The following ANGPT4 variants were observed in gnomAD, a reference collection of about 807,000 sequenced individuals.
The protein encoded by ANGPT4 is angiopoietin-4.
Under a neutral mutation model 53.0 loss-of-function variants are expected in ANGPT4, and 50 were observed. The observed-to-expected ratio is 0.94, with a 90% CI of 0.75 to 1.20. The LOEUF is 1.20. Ranked by LOEUF, ANGPT4 falls within the 50% of genes most tolerant of loss-of-function variation. ANGPT4 has a pLI of 0.00. For synonymous variants in ANGPT4, 251 were observed against 259.7 expected (o/e 0.97, Z 0.32); for missense variants, 648 against 637.1 (o/e 1.02, Z -0.18).
chr20:900,632 A>G (rs1376357782), intron 1 of ANGPT4, among the ~76,000 whole-genome samples: 1 of 152,138 alleles, frequency 6.6e-6, no homozygotes, highest in African/African-American at 2.4e-5. Context: ...TTTTCTTATT[A>G]TTAATATAAA....
At chr20:910,724 G>A (rs1049014872) in intron 1 of ANGPT4, among the ~76,000 whole-genome samples, 1 of 152,192 alleles carries the variant, frequency 6.6e-6, no homozygotes. Context: ...ATGTGGCCCT[G>A]CCCTCTGTGG....
intron 1 of ANGPT4, among the ~76,000 whole-genome samples, chr20:894,825 C>T (rs1981982063): frequency 6.6e-6 from 1 of 152,184 alleles, no homozygotes; most frequent in Non-Finnish European, 1.5e-5. Context: ...CTCTAAGACT[C>T]CTTGCCTGAG....
chr20:891,415 G>T (rs371463847), intron 1 of ANGPT4, among the ~76,000 whole-genome samples: 2 of 152,308 alleles, frequency 1.3e-5, no homozygotes, highest in East Asian at 1.9e-4. Context: ...TTTCCCAAGG[G>T]CAGGAGAGCT....
In ANGPT4 at chr20:872,130, T is replaced by A; in HGVS notation, c.*830A>T. 6.6e-6 allele frequency: 1 copy of A among 152,184 alleles called. No homozygotes were observed. The highest frequency in any genetic ancestry group is 1.5e-5 in the Non-Finnish European group (1 of 68,038). 9.4% of individuals were successfully genotyped at this position (152,184 alleles called of 1,614,324 possible). A position where few individuals can be genotyped will look rare whatever the true frequency, so the allele number is the denominator to read the frequency against. The stretch of plus-strand genomic sequence containing the variant: ...TGGGTAGTCACAAGGCACTTGGCCA[T>A]ATTAAAGGCTCTGATCAGTCCTGCA... On this transcript the variant is annotated 3_prime_UTR_variant, in exon 9 of 9. Coordinates refer to ENST00000381922, the MANE Select transcript of ANGPT4 (RefSeq NM_015985.4).
At chr20:874,087 C>G (rs1185105915) in intron 8 of ANGPT4, among the ~76,000 whole-genome samples, 197 bp downstream of exon 8, 1 of 152,156 alleles carries the variant, frequency 6.6e-6, no homozygotes. Flanking sequence ...GGAGGTGAGA[C>G]CTGGAGGGGA....
At chr20:881,798 A>G (rs918892600) in intron 4 of ANGPT4, among the ~76,000 whole-genome samples, 6 of 152,148 alleles carry the variant, frequency 3.9e-5, no homozygotes, top group African/African-American at 1.4e-4. Flanking sequence ...CTGGGCTGAG[A>G]AAGAGCACTC....
intron 6 of ANGPT4, among the ~76,000 whole-genome samples, chr20:879,444 G>A (rs1010700074): frequency 6.6e-6 from 1 of 151,942 alleles, no homozygotes; most frequent in East Asian, 1.9e-4. Context: ...TTGACTGGGG[G>A]GATTTTTATT....
intron 1 of ANGPT4, among the ~76,000 whole-genome samples, chr20:907,745 T>C (rs918577246): frequency 6.6e-6 from 1 of 151,956 alleles, no homozygotes; most frequent in African/African-American, 2.4e-5. Flanking sequence ...TTGGCTAGAG[T>C]GATCATGTGA....
intron 4 of ANGPT4, 119 bp downstream of exon 4, chr20:884,958 CG>C: frequency 7.3e-7 from 1 of 1,370,058 alleles, no homozygotes; most frequent in Non-Finnish European, 9.9e-7. Context: ...CACAGATGGT[CG>C]GGGAGGGTGG....
intron 1 of ANGPT4, among the ~76,000 whole-genome samples, chr20:894,371 C>T (rs1471516992): frequency 2.6e-5 from 4 of 152,100 alleles, no homozygotes; most frequent in South Asian, 2.1e-4. Context: ...AGCTGATGAC[C>T]GCACTAACTG....
At chr20:881,061 T>G in intron 5 of ANGPT4, 110 bp downstream of exon 5, 2 of 844,640 alleles carry the variant, frequency 2.4e-6, no homozygotes, top group Non-Finnish European at 3.5e-6. Flanking sequence ...ACACCTCTGG[T>G]ATTTCAGATA....
At chr20:895,004 C>G (rs550980181) in intron 1 of ANGPT4, among the ~76,000 whole-genome samples, 109 of 152,274 alleles carry the variant, frequency 7.2e-4, no homozygotes, top group African/African-American at 2.6e-3. Context: ...CACCCGCCCA[C>G]CAGCACAGGC....
At chr20:915,377 T>C (rs979826792) in intron 1 of ANGPT4, among the ~76,000 whole-genome samples, 2 of 152,122 alleles carry the variant, frequency 1.3e-5, no homozygotes, top group African/African-American at 4.8e-5. Flanking sequence ...ACGGTCAAAA[T>C]ACATGCAGCT....
chr20:891,010 C>T (rs1418548015), intron 1 of ANGPT4, among the ~76,000 whole-genome samples: 1 of 152,220 alleles, frequency 6.6e-6, no homozygotes. Flanking sequence ...TTGTCTGTTT[C>T]TCTCTCTAGA....
chr20:900,966 T>C (rs1982260460), intron 1 of ANGPT4, among the ~76,000 whole-genome samples: 1 of 152,198 alleles, frequency 6.6e-6, no homozygotes, highest in African/African-American at 2.4e-5. Context: ...CCAATCATTC[T>C]ATACGACAAA....
chr20:883,735 T>C (rs1452946882), intron 4 of ANGPT4, among the ~76,000 whole-genome samples: 1 of 152,224 alleles, frequency 6.6e-6, no homozygotes, highest in African/African-American at 2.4e-5. Context: ...GGGGACTGGG[T>C]TACCAGTGGG....
chr20:916,328 T>G lies in ANGPT4; in HGVS notation c.-114A>C. The G allele has an allele frequency of 1.7e-6, 2 of 1,158,210 alleles. No homozygotes were observed. The highest frequency in any genetic ancestry group is 4.7e-5 in the Admixed American group (2 of 42,928). 71.7% of individuals were successfully genotyped at this position (1,158,210 alleles called of 1,614,324 possible). ...TTGCCTGCAGCTGCAGCTACAAACC[T>G]CTGTCTGGCCGAGCTCTGTCCAGGC... is the stretch of plus-strand genomic sequence containing the variant. On this transcript the variant is annotated 5_prime_UTR_variant, in exon 1 of 9. Transcript: ENST00000381922.
chr20:887,006 A>G (rs59916113), intron 3 of ANGPT4, among the ~76,000 whole-genome samples: 2,719 of 152,304 alleles, frequency 0.018, 85 homozygotes, highest in African/African-American at 0.062. Context: ...AAGAGTTTGA[A>G]AAATAATTGT....
intron 7 of ANGPT4, 141 bp from the exon 8 acceptor site, chr20:874,555 T>G: frequency 1.7e-6 from 2 of 1,199,774 alleles, no homozygotes; most frequent in Non-Finnish European, 2.3e-6. Context: ...CCAGCCTGGG[T>G]GGAGTGCTTG....
Sources: gnomAD v4.1 joint callset for allele counts (sites outside exome capture counted in the v4.1 genomes callset) on GRCh38, gnomAD v4.1.1 for gene constraint, MANE v1.5 for transcripts, NCBI Gene and HGNC (gene_info 2026-07-23, HGNC 2026-07-21) for gene names.